The following SLC20A1 variants were observed in gnomAD, a reference collection of about 807,000 sequenced individuals.
SLC20A1 encodes sodium-dependent phosphate transporter 1.
SLC20A1 carries 28 observed loss-of-function variants against 62.7 expected under a neutral mutation model. The ratio of observed to expected loss-of-function variants is 0.45; its 90% confidence interval spans 0.33 to 0.61. SLC20A1 has a LOEUF of 0.61. Among genes scored for constraint, SLC20A1 ranks in the 20% least tolerant of loss-of-function variants. The pLI is 0.02. For synonymous variants in SLC20A1, 305 were observed against 302.9 expected (o/e 1.01, Z -0.07); for missense variants, 673 against 838.6 (o/e 0.80, Z 2.44).
chr2:112,658,422 T>C (rs1303736641), intron 6 of SLC20A1: 1 of 159,712 alleles, frequency 6.3e-6, no homozygotes, highest in Non-Finnish European at 1.4e-5. Context: ...AAGAATAGAA[T>C]TGGGTACAGT....
At chr2:112,659,937 G>A (rs115681129) in intron 8 of SLC20A1, among the ~76,000 whole-genome samples, 175 bp downstream of exon 8, 2,237 of 152,302 alleles carry the variant, frequency 0.015, 52 homozygotes, top group African/African-American at 0.051. Context: ...TTATTCTTCA[G>A]AGGAATTACA....
chr2:112,661,838 C>T lies in SLC20A1; in HGVS notation c.1878+612C>T, dbSNP rs528122277. ...TGCTAGGATTACATGCGTGAGCCAC[C>T]GCGCCCGGCCGACAGCATTATGTTC... is the stretch of plus-strand genomic sequence containing the variant. On this transcript the variant is annotated intron_variant, in intron 10 of 10. Transcript: ENST00000272542. Among the ~76,000 whole-genome samples, 13 of 152,180 alleles carry T rather than the reference C, an allele frequency of 8.5e-5. No homozygotes were observed. The East Asian group carries it at 1.5e-3, about 18-fold the overall frequency.
In SLC20A1 at chr2:112,658,962, G is replaced by A. The variant is rs372292907; in HGVS notation, c.916G>A (p.Val306Met). 32 of 1,614,236 alleles carry A rather than the reference G, an allele frequency of 2.0e-5. No individual in the cohort carries two copies. Among genetic ancestry groups the A allele is most frequent in the Non-Finnish European group, 2.7e-5 (32 of 1,180,038 alleles). The change falls in exon 7 of 11, where the codon GTG becomes ATG. Residue 306 changes from valine (V) to methionine (M), a missense_variant. Val to Met is a conservative substitution (Grantham distance 21). Coordinates refer to ENST00000272542, the MANE Select transcript of SLC20A1 (RefSeq NM_005415.5). ...TGTTTCTGAGGTAGGGCCTGCCACT[G>A]TGCCCCTCCAGGCTGTGGTGGAGGA... ...HPVSEVGPAT[V>M]PLQAVVEERT... is the part of the protein sequence containing the mutation.
rs900542424 is a variant in SLC20A1, at chr2:112,647,018, A to G, written c.190A>G (p.Ile64Val). 15 of 1,614,160 alleles carry G rather than the reference A, an allele frequency of 9.3e-6. No individual in the cohort carries two copies. The highest frequency in any genetic ancestry group is 1.3e-5 in the Non-Finnish European group (15 of 1,180,030). The change falls in exon 2 of 11, where the codon ATC becomes GTC. Residue 64 changes from isoleucine to valine, a missense_variant. Transcript: ENST00000272542. ...TGTAGTGACCCTGAAGCAAGCCTGC[A>G]TCCTAGCTAGCATCTTTGAAACAGT... The part of the protein sequence containing the change: ...SGVVTLKQAC[I>V]LASIFETVGS...
At chr2:112,656,188 CTTTTTTTTTTT>C (rs367841545) in intron 5 of SLC20A1, among the ~76,000 whole-genome samples, 1 of 90,596 alleles carries the variant, frequency 1.1e-5, no homozygotes. Flanking sequence ...AAAGACAAAA[CTTTTTTTTTTT>C]TTTTTTTTTT....
At chr2:112,654,403 A>G (rs74560439) in intron 5 of SLC20A1, among the ~76,000 whole-genome samples, 1,713 of 152,342 alleles carry the variant, frequency 0.011, 36 homozygotes, top group African/African-American at 0.039. Flanking sequence ...GAATCATTTT[A>G]AAAACAGAAA....
At chr2:112,653,773 A>G (rs1335094114) in intron 5 of SLC20A1, among the ~76,000 whole-genome samples, 1 of 151,990 alleles carries the variant, frequency 6.6e-6, no homozygotes, top group Non-Finnish European at 1.5e-5. Context: ...GACCCAAAGT[A>G]GAGTTAGCTA....
rs1427088377 is a variant in SLC20A1 at position 112,663,507 on chromosome 2, C to T, written c.*482C>T. ...TGTAGTCTCTTATATAAGTAGAGTC[C>T]TTGGTACTCTGCCCTCCTGTCAGTA... On this transcript the variant is annotated 3_prime_UTR_variant, in exon 11 of 11. Coordinates refer to ENST00000272542, the MANE Select transcript of SLC20A1 (RefSeq NM_005415.5). The T allele has an allele frequency of 4.0e-6, 1 of 251,486 alleles. No individual in the cohort carries two copies. The highest frequency in any genetic ancestry group is 7.8e-6 in the Non-Finnish European group (1 of 128,266). The allele number at this position is 251,486 out of a possible 1,614,324, so 15.6% of individuals were successfully genotyped here.
chr2:112,657,906 C>T (rs1384253804), intron 6 of SLC20A1, among the ~76,000 whole-genome samples: 5 of 152,192 alleles, frequency 3.3e-5, no homozygotes, highest in African/African-American at 1.2e-4. Flanking sequence ...TGGTTAGTAT[C>T]GGACTTTTTT....
chr2:112,653,588 G>A (rs1432539642), intron 5 of SLC20A1, among the ~76,000 whole-genome samples: 1 of 152,002 alleles, frequency 6.6e-6, no homozygotes, highest in Non-Finnish European at 1.5e-5. Flanking sequence ...TAGAGAGAAA[G>A]ATAACTGGAA....
At chr2:112,650,527 C>T (rs1358939441) in intron 4 of SLC20A1, among the ~76,000 whole-genome samples, 2 of 151,784 alleles carry the variant, frequency 1.3e-5, no homozygotes, top group African/African-American at 4.8e-5. Context: ...GACGGGGTTT[C>T]ACCACGTTGG....
At chr2:112,647,859 GCT>G in intron 4 of SLC20A1, 121 bp downstream of exon 4, 2 of 795,262 alleles carry the variant, frequency 2.5e-6, no homozygotes, top group Non-Finnish European at 4.3e-6. Context: ...ATTTTAAAAA[GCT>G]CTTTGTTCTG....
At chr2:112,661,097 A>G in intron 9 of SLC20A1, 45 bp from the exon 10 acceptor site, 5 of 1,503,466 alleles carry the variant, frequency 3.3e-6, no homozygotes, top group Non-Finnish European at 3.7e-6. Flanking sequence ...AGCTTCTCAA[A>G]AAAGTCAAAC....
intron 4 of SLC20A1, among the ~76,000 whole-genome samples, chr2:112,649,653 C>A (rs1686381686): frequency 6.6e-6 from 1 of 152,014 alleles, no homozygotes. Context: ...TGGGAACAGA[C>A]AGAATGGAGG....
Position 112,659,344 on chromosome 2 carries a change from C to T in SLC20A1, c.1189C>T (p.Leu397Phe). The T allele has an allele frequency of 6.2e-7, 1 of 1,614,182 alleles. No individual in the cohort carries two copies. Among genetic ancestry groups the T allele is most frequent in the South Asian group, 1.1e-5 (1 of 91,084 alleles). ...LYKELLHKLHLAKVGDCMGDS... is the reference protein window; with the variant it reads ...LYKELLHKLHFAKVGDCMGDS... ...CAAAGAGCTACTCCATAAATTACAT[C>T]TTGCCAAGGTGGGAGATTGCATGGG... The change falls in exon 8 of 11, where the codon CTT becomes TTT. Residue 397 changes from leucine to phenylalanine, a missense_variant. Leu to Phe is a conservative substitution (Grantham distance 22). Transcript: ENST00000272542.
chr2:112,657,899 T>A (rs778307658), intron 6 of SLC20A1, among the ~76,000 whole-genome samples: 3 of 152,230 alleles, frequency 2.0e-5, no homozygotes, highest in Non-Finnish European at 4.4e-5. Context: ...TAAATTTTGG[T>A]TAGTATCGGA....
intron 5 of SLC20A1, among the ~76,000 whole-genome samples, chr2:112,653,671 TC>T (rs11302999): frequency 0.43 from 65,117 of 150,656 alleles, 15,803 homozygotes; most frequent in Non-Finnish European, 0.56. Context: ...TTTTTTTTTT[TC>T]TTAACATTTG....
chr2:112,660,674 A>G (rs916583905), intron 9 of SLC20A1, 102 bp downstream of exon 9: 16 of 984,502 alleles, frequency 1.6e-5, no homozygotes, highest in Admixed American at 6.6e-5. Context: ...CCAAGTTTGT[A>G]TAAGTTCATG....
At position 112,661,037 on chromosome 2, in the gene SLC20A1, T is replaced by C. The variant is rs773309324; in HGVS notation, c.1794-105T>C. 58 of 758,632 alleles carry C rather than the reference T, an allele frequency of 7.6e-5. No individual in the cohort carries two copies. The South Asian group carries it at 8.6e-4, about 11-fold the overall frequency. 47.0% of individuals were successfully genotyped at this position (758,632 alleles called of 1,614,324 possible). ...CAAATAAAGATGTCAGTGGAGGTTT[T>C]GTGACTGAGTAGAACAAAGCAGGAC... On this transcript the variant is annotated intron_variant, in intron 9 of 10. Transcript: ENST00000272542.
Sources: gnomAD v4.1 joint callset for allele counts (sites outside exome capture counted in the v4.1 genomes callset) on GRCh38, gnomAD v4.1.1 for gene constraint, MANE v1.5 for transcripts, NCBI Gene and HGNC (gene_info 2026-07-23, HGNC 2026-07-21) for gene names.